The following DNAJC30 variants were observed in gnomAD, a reference collection of about 807,000 sequenced individuals.
DNAJC30 encodes DnaJ heat shock protein family (Hsp40) member C30, also known as dnaJ homolog subfamily C member 30, mitochondrial.
DNAJC30 carries 16 observed loss-of-function variants against 15.4 expected under a neutral mutation model. The observed-to-expected ratio is 1.04, with a 90% CI of 0.70 to 1.58. The LOEUF (loss-of-function observed/expected upper bound fraction) is 1.58, where lower values mean the gene tolerates loss of function less well. Among genes scored for constraint, DNAJC30 ranks in the 40% most tolerant of loss-of-function variants. The pLI, the probability that DNAJC30 is intolerant of heterozygous loss-of-function variation, is 0.00. For synonymous variants in DNAJC30, 161 were observed against 140.2 expected, an observed-to-expected ratio of 1.15 and a Z score of -1.05; for missense variants, 352 against 320.9, an observed-to-expected ratio of 1.10 and a Z score of -0.74.
Position 73,682,579 on chromosome 7 carries a change from T to A in DNAJC30, c.*164A>T. On this transcript the variant is annotated 3_prime_UTR_variant, in exon 1 of 1. Coordinates refer to ENST00000395176, the MANE Select transcript of DNAJC30 (RefSeq NM_032317.3). Reference sequence around the variant, plus strand: ...TTTTCTGGACCACAGTGGAGCGATGTGCAGGTCATCGGCTAAGCTGGGCGG... The same window carrying A: ...TTTTCTGGACCACAGTGGAGCGATGAGCAGGTCATCGGCTAAGCTGGGCGG... The A allele has an allele frequency of 1.3e-6, 1 of 765,440 alleles. No homozygotes were observed. Among genetic ancestry groups the A allele is most frequent in the South Asian group, 2.1e-5 (1 of 48,564 alleles). 47.4% of individuals were successfully genotyped at this position (765,440 alleles called of 1,614,324 possible).
rs1797708584 is a variant in DNAJC30, at chr7:73,681,436, C to T, written c.*1307G>A. 6.6e-6 allele frequency: 1 copy of T among 152,238 alleles called. No homozygotes were observed. Among genetic ancestry groups the T allele is most frequent in the African/African-American group, 2.4e-5 (1 of 41,434 alleles). The allele number at this position is 152,238 out of a possible 1,614,324, so 9.4% of individuals were successfully genotyped here. A position where few individuals can be genotyped will look rare whatever the true frequency, so the allele number is the denominator to read the frequency against. ...CAAAATTTACCCCAGCCTCAAGCAG[C>T]CTTGTTTAAAAAATTAAGGAAGGGC... On this transcript the variant is annotated 3_prime_UTR_variant, in exon 1 of 1. Transcript: ENST00000395176.
Position 73,682,461 on chromosome 7 carries a change from G to A in DNAJC30, c.*282C>T, listed in dbSNP as rs189100172. 164 of 322,996 alleles carry A rather than the reference G, an allele frequency of 5.1e-4. 1 individual carries two copies. In the East Asian group the frequency reaches 7.5e-3, roughly 15 times the overall value. The allele number at this position is 322,996 out of a possible 1,614,324, so 20.0% of individuals were successfully genotyped here. On this transcript the variant is annotated 3_prime_UTR_variant, in exon 1 of 1. Coordinates refer to ENST00000395176, the MANE Select transcript of DNAJC30 (RefSeq NM_032317.3). ...GGAAGCAAGAAGACAGACTCTGGAA[G>A]AAGCACCCTAGAGACTCCAGGAACC...
rs782785106 is a variant in DNAJC30 at position 73,683,369 on chromosome 7, G to A, written c.55C>T (p.Gln19Ter). 1.2e-6 allele frequency: 2 copies of A among 1,613,166 alleles called. No homozygotes were observed. The highest frequency in any genetic ancestry group is 1.3e-5 in the African/African-American group (1 of 75,084). ...WQRLLPWRLLQARGFPQNSAP... is the reference protein window; with the variant it reads ...WQRLLPWRLL ...GAATTTTGTGGAAAGCCACGGGCCT[G>A]CAGCAACCTCCAAGGTAACAGCCGC... is the stretch of plus-strand genomic sequence containing the variant. Residue 19 changes from glutamine (Q) to a stop codon, truncating the protein, a stop_gained, in exon 1 of 1, where the codon CAG becomes TAG. Coordinates refer to ENST00000395176, the MANE Select transcript of DNAJC30 (RefSeq NM_032317.3). LOFTEE classifies it high-confidence loss of function.
In DNAJC30 at chr7:73,683,314, G is replaced by C; in HGVS notation, c.110C>G (p.Thr37Ser). The change falls in exon 1 of 1, where the codon ACT (threonine) becomes AGT (serine). Residue 37 changes from threonine (T) to serine (S), a missense_variant. Transcript: ENST00000395176. ...ATACGAGCAGTCGCCCTGGGAATAA[G>C]TCCTCGCTCCTAGGCCCAGGCTGGG... ...SAPSLGLGAR[T>S]YSQGDCSYSR... 6.2e-7 allele frequency: 1 copy of C among 1,613,870 alleles called. No homozygotes were observed. The highest frequency in any genetic ancestry group is 8.5e-7 in the Non-Finnish European group (1 of 1,180,042).
chr7:73,682,998 C>T lies in DNAJC30; in HGVS notation c.426G>A (p.Pro142=), dbSNP rs781995898. Residue 142 remains proline (P), a synonymous_variant, in exon 1 of 1, where the codon CCG becomes CCA. Transcript: ENST00000395176. ...AACCGTCGTGGGTCCGAGAGGTGGG[C>T]GGCGGGGTACGCGGCGAGCCGGGGT... ...APDPGSPRTP[P]PTSRTHDGSR... The T allele has an allele frequency of 2.5e-5, 40 of 1,592,812 alleles. No individual in the cohort carries two copies. In the South Asian group the frequency reaches 4.0e-4, roughly 16 times the overall value.
At position 73,683,235 on chromosome 7, in the gene DNAJC30, G is replaced by T; in HGVS notation, c.189C>A (p.Ala63=). Reference sequence around the variant, plus strand: ...GACGGTAGTAAGCCGCCTTGATTTGGGCCTGCGTGGCTGTGGAGGGGACGC... The same window carrying T: ...GACGGTAGTAAGCCGCCTTGATTTGTGCCTGCGTGGCTGTGGAGGGGACGC... ...LLGVPSTATQ[A]QIKAAYYRQC... is the part of the protein sequence containing the mutation. Residue 63 remains alanine, a synonymous_variant, in exon 1 of 1, where the codon GCC becomes GCA. Transcript: ENST00000395176. The T allele has an allele frequency of 6.2e-7, 1 of 1,614,202 alleles. No homozygotes were observed. Among genetic ancestry groups the T allele is most frequent in the Non-Finnish European group, 8.5e-7 (1 of 1,180,054 alleles).
Position 73,683,267 on chromosome 7 carries a change from G to A in DNAJC30, c.157C>T (p.Leu53=), listed in dbSNP as rs1321611883. ...GTGGCTGTGGAGGGGACGCCGAGCAGATCATACAGCGCCGTGCGCGAATAC... is the reference window on the plus strand; with the variant it reads ...GTGGCTGTGGAGGGGACGCCGAGCAAATCATACAGCGCCGTGCGCGAATAC... The part of the protein sequence containing the change: ...CSYSRTALYD[L]LGVPSTATQA... Residue 53 remains leucine (L), a synonymous_variant, in exon 1 of 1, where the codon CTG becomes TTG. Transcript: ENST00000395176. The A allele has an allele frequency of 2.5e-6, 4 of 1,614,006 alleles. No individual in the cohort carries two copies. Among genetic ancestry groups the A allele is most frequent in the African/African-American group, 2.7e-5 (2 of 74,962 alleles).
rs781809516 is a variant in DNAJC30, at chr7:73,682,969, C to G, written c.455G>C (p.Arg152Pro). 6.2e-7 allele frequency: 1 copy of G among 1,606,338 alleles called. No individual in the cohort carries two copies. Among genetic ancestry groups the G allele is most frequent in the Non-Finnish European group, 8.5e-7 (1 of 1,175,106 alleles). ...CGTGCGGTTGGCGCCGGGGGAGGCC[C>G]GAGAACCGTCGTGGGTCCGAGAGGT... ...PPTSRTHDGS[R>P]ASPGANRTMF... Residue 152 changes from arginine to proline, a missense_variant, in exon 1 of 1, where the codon CGG (arginine) becomes CCG (proline). Transcript: ENST00000395176.
chr7:73,683,393 G>A lies in DNAJC30; in HGVS notation c.31C>T (p.Arg11Trp), dbSNP rs781874579. Residue 11 changes from arginine to tryptophan, a missense_variant, in exon 1 of 1, where the codon CGG becomes TGG. Physicochemically the swap from Arg to Trp is moderately radical, Grantham distance 101. Transcript: ENST00000395176. The part of the protein sequence containing the change: MAAMRWRWWQ[R>W]LLPWRLLQAR... ...TGCAGCAACCTCCAAGGTAACAGCC[G>A]CTGCCACCATCGCCAGCGCATGGCT... is the stretch of plus-strand genomic sequence containing the variant. 10 of 1,612,132 alleles carry A rather than the reference G, an allele frequency of 6.2e-6. No homozygotes were observed. Among genetic ancestry groups the A allele is most frequent in the Admixed American group, 3.3e-5 (2 of 59,990 alleles).
At position 73,682,602 on chromosome 7, in the gene DNAJC30, C is replaced by T; in HGVS notation, c.*141G>A. ...TGTGCAGGTCATCGGCTAAGCTGGG[C>T]GGGTCGGGGAGGGCAGGGGGAGTAC... On this transcript the variant is annotated 3_prime_UTR_variant, in exon 1 of 1. Coordinates refer to ENST00000395176, the MANE Select transcript of DNAJC30 (RefSeq NM_032317.3). 2.0e-6 allele frequency: 2 copies of T among 984,896 alleles called. No individual in the cohort carries two copies. Among genetic ancestry groups the T allele is most frequent in the Non-Finnish European group, 2.9e-6 (2 of 698,946 alleles). The allele number at this position is 984,896 out of a possible 1,614,324, so 61.0% of individuals were successfully genotyped here. A position where few individuals can be genotyped will look rare whatever the true frequency, so the allele number is the denominator to read the frequency against.
At position 73,683,228 on chromosome 7, in the gene DNAJC30, T is replaced by C; in HGVS notation, c.196A>G (p.Lys66Glu). 6.2e-7 allele frequency: 1 copy of C among 1,614,172 alleles called. No individual in the cohort carries two copies. Among genetic ancestry groups the C allele is most frequent in the Non-Finnish European group, 8.5e-7 (1 of 1,180,026 alleles). The change falls in exon 1 of 1, where the codon AAG becomes GAG. Residue 66 changes from lysine (K) to glutamate (E), a missense_variant. Lys to Glu is a moderately conservative substitution (Grantham distance 56). Coordinates refer to ENST00000395176, the MANE Select transcript of DNAJC30 (RefSeq NM_032317.3). ...AAGCACTGACGGTAGTAAGCCGCCT[T>C]GATTTGGGCCTGCGTGGCTGTGGAG... ...VPSTATQAQI[K>E]AAYYRQCFLY...
rs1212615807 is a variant in DNAJC30 at position 73,683,204 on chromosome 7, A to G, written c.220T>C (p.Phe74Leu). Residue 74 changes from phenylalanine to leucine, a missense_variant, in exon 1 of 1, where the codon TTT (phenylalanine) becomes CTT (leucine). By Grantham distance (22) the Phe-to-Leu change is conservative (BLOSUM62 0). Transcript: ENST00000395176. ...GAGTTGCGGTCCGGGTGGTAGAGAAAGCACTGACGGTAGTAAGCCGCCTTG... is the reference window on the plus strand; with the variant it reads ...GAGTTGCGGTCCGGGTGGTAGAGAAGGCACTGACGGTAGTAAGCCGCCTTG... ...QIKAAYYRQC[F>L]LYHPDRNSGS... The G allele has an allele frequency of 1.2e-6, 2 of 1,614,064 alleles. No individual in the cohort carries two copies. The highest frequency in any genetic ancestry group is 1.1e-5 in the South Asian group (1 of 91,096).
At position 73,682,901 on chromosome 7, in the gene DNAJC30, G is replaced by T. The variant is rs978016076; in HGVS notation, c.523C>A (p.Gln175Lys). ...CTCAGGCGCCGTTCCCGCTCCAGTTGTTCCCCGTAGTGGGCCTGGTAGAAG... is the reference window on the plus strand; with the variant it reads ...CTCAGGCGCCGTTCCCGCTCCAGTTTTTCCCCGTAGTGGGCCTGGTAGAAG... The part of the protein sequence containing the change: ...DAFYQAHYGE[Q>K]LERERRLRAR... The change falls in exon 1 of 1, where the codon CAA becomes AAA. Residue 175 changes from glutamine to lysine, a missense_variant. Gln to Lys is a moderately conservative substitution (Grantham distance 53). Transcript: ENST00000395176. 6.2e-7 allele frequency: 1 copy of T among 1,614,114 alleles called. No individual in the cohort carries two copies. The highest frequency in any genetic ancestry group is 2.2e-5 in the East Asian group (1 of 44,884).
chr7:73,683,370 C>T lies in DNAJC30; in HGVS notation c.54G>A (p.Leu18=). ...WWQRLLPWRL[L]QARGFPQNSA... ...AATTTTGTGGAAAGCCACGGGCCTGCAGCAACCTCCAAGGTAACAGCCGCT... is the reference window on the plus strand; with the variant it reads ...AATTTTGTGGAAAGCCACGGGCCTGTAGCAACCTCCAAGGTAACAGCCGCT... The change falls in exon 1 of 1, where the codon CTG becomes CTA. Residue 18 remains leucine, a synonymous_variant. Coordinates refer to ENST00000395176, the MANE Select transcript of DNAJC30 (RefSeq NM_032317.3). 1.2e-6 allele frequency: 2 copies of T among 1,613,132 alleles called. No individual in the cohort carries two copies. Among genetic ancestry groups the T allele is most frequent in the South Asian group, 1.1e-5 (1 of 91,088 alleles).
chr7:73,682,767 G>A lies in DNAJC30; in HGVS notation c.657C>T (p.Phe219=), dbSNP rs782704770. The A allele has an allele frequency of 5.0e-6, 8 of 1,608,420 alleles. No homozygotes were observed. In the East Asian group the frequency reaches 1.8e-4, roughly 36 times the overall value. The part of the protein sequence containing the change: ...TAAIFLIFSI[F]IIIGFYI The stretch of plus-strand genomic sequence containing the variant: ...ATTAAATATAAAAGCCGATGATGAT[G>A]AAGATTGAAAAGATGAGGAAAATGG... The change falls in exon 1 of 1, where the codon TTC becomes TTT. Residue 219 remains phenylalanine (F), a synonymous_variant. Coordinates refer to ENST00000395176, the MANE Select transcript of DNAJC30 (RefSeq NM_032317.3).
Position 73,682,738 on chromosome 7 carries a change from T to C in DNAJC30, c.*5A>G. The C allele has an allele frequency of 3.1e-6, 5 of 1,597,784 alleles. No homozygotes were observed. The highest frequency in any genetic ancestry group is 1.7e-4 in the Middle Eastern group (1 of 5,992). On this transcript the variant is annotated 3_prime_UTR_variant, in exon 1 of 1. Transcript: ENST00000395176. The stretch of plus-strand genomic sequence containing the variant: ...GGGGACACTCCCCTTCCCTTCTCTC[T>C]CCGATTAAATATAAAAGCCGATGAT...
chr7:73,682,561 G>C lies in DNAJC30; in HGVS notation c.*182C>G. On this transcript the variant is annotated 3_prime_UTR_variant, in exon 1 of 1. Coordinates refer to ENST00000395176, the MANE Select transcript of DNAJC30 (RefSeq NM_032317.3). ...AGACATCGAAAGGCCTCCTTTTCTG[G>C]ACCACAGTGGAGCGATGTGCAGGTC... 1 of 665,048 alleles carries C rather than the reference G, an allele frequency of 1.5e-6. No homozygotes were observed. Among genetic ancestry groups the C allele is most frequent in the African/African-American group, 1.8e-5 (1 of 54,652 alleles). 41.2% of individuals were successfully genotyped at this position (665,048 alleles called of 1,614,324 possible).
At position 73,682,454 on chromosome 7, in the gene DNAJC30, T is replaced by C. The variant is rs1554611431; in HGVS notation, c.*289A>G. The C allele has an allele frequency of 5.5e-5, 17 of 310,898 alleles. No homozygotes were observed. 19.3% of individuals were successfully genotyped at this position (310,898 alleles called of 1,614,324 possible). The stretch of plus-strand genomic sequence containing the variant: ...CACATCTGGAAGCAAGAAGACAGAC[T>C]CTGGAAGAAGCACCCTAGAGACTCC... On this transcript the variant is annotated 3_prime_UTR_variant, in exon 1 of 1. Transcript: ENST00000395176.
rs782714870 is a variant in DNAJC30, at chr7:73,683,172, G to C, written c.252C>G (p.Ser84Arg). The part of the protein sequence containing the change: ...FLYHPDRNSG[S>R]AEAAERFTRI... ...GCGTGAAGCGCTCGGCGGCCTCCGC[G>C]CTCCCGGAGTTGCGGTCCGGGTGGT... Residue 84 changes from serine (S) to arginine (R), a missense_variant, in exon 1 of 1, where the codon AGC (serine) becomes AGG (arginine). By Grantham distance (110) the Ser-to-Arg change is moderately radical (BLOSUM62 -1). Coordinates refer to ENST00000395176, the MANE Select transcript of DNAJC30 (RefSeq NM_032317.3). 3 of 1,614,198 alleles carry C rather than the reference G, an allele frequency of 1.9e-6. No homozygotes were observed. The highest frequency in any genetic ancestry group is 3.3e-4 in the Middle Eastern group (2 of 6,062).
Sources: allele counts gnomAD v4.1 joint callset, GRCh38; gene constraint gnomAD v4.1.1; transcripts MANE v1.5; gene names NCBI Gene and HGNC (gene_info 2026-07-23, HGNC 2026-07-21).